The following LTF variants were observed in gnomAD, a reference collection of about 807,000 sequenced individuals.
LTF encodes the protein lactotransferrin.
Under a neutral mutation model 87.2 loss-of-function variants are expected in LTF, and 91 were observed. The ratio of observed to expected loss-of-function variants is 1.04; its 90% CI spans 0.88 to 1.24. The LOEUF (loss-of-function observed/expected upper bound fraction) is 1.24, where lower values mean the gene tolerates loss of function less well. Among genes scored for constraint, LTF ranks in the 50% most tolerant of loss-of-function variants. The pLI is 0.00. For missense variants in LTF, 901 were observed against 904.3 expected, an observed-to-expected ratio of 1.00 and a Z score of 0.05; for synonymous variants, 378 against 356.1, an observed-to-expected ratio of 1.06 and a Z score of -0.69.
chr3:46,479,708 G>T (rs1010742778), intron 1 of LTF, among the ~76,000 whole-genome samples: 1 of 152,138 alleles, frequency 6.6e-6, no homozygotes, highest in Non-Finnish European at 1.5e-5. Context: ...ATTTTTAGTA[G>T]AGACGGGGTT....
chr3:46,464,995 G>A, upstream of LTF: 1 of 894,128 alleles, frequency 1.1e-6, no homozygotes, highest in Non-Finnish European at 1.8e-6. Context: ...ACTCCCCGCG[G>A]CCAGGTCTAC....
rs1001094087 is a variant in LTF at position 46,455,168 on chromosome 3, G to T, written c.647+127C>A. The T allele has an allele frequency of 3.2e-5, 36 of 1,126,214 alleles. No individual in the cohort carries two copies. In the Middle Eastern group the frequency reaches 8.5e-4, roughly 27 times the overall value. The allele number at this position is 1,126,214 out of a possible 1,614,324, so 69.8% of individuals were successfully genotyped here. On this transcript the variant is annotated intron_variant, in intron 5 of 16. Transcript: ENST00000231751. ...CTGCACTCTCTTTGGACACACAGCA[G>T]TAGGAGAACAGACCTCCTCTCGTCC...
intron 7 of LTF, 123 bp downstream of exon 7, chr3:46,450,372 A>C: frequency 9.7e-7 from 1 of 1,031,734 alleles, no homozygotes; most frequent in Non-Finnish European, 1.5e-6. Flanking sequence ...AGCCCAATGC[A>C]TTAGTGTGCT....
chr3:46,478,215 T>C (rs1272082668), intron 1 of LTF, among the ~76,000 whole-genome samples: 1 of 152,176 alleles, frequency 6.6e-6, no homozygotes, highest in Admixed American at 6.5e-5. Context: ...CTGAGACTTT[T>C]CCTAATGGCC....
chr3:46,452,610 C>T (rs1224540762), intron 6 of LTF, among the ~76,000 whole-genome samples: 1 of 152,206 alleles, frequency 6.6e-6, no homozygotes, highest in Non-Finnish European at 1.5e-5. Flanking sequence ...CTGGCTCTCT[C>T]TCTTTCTCTC....
rs56170464 is a variant in LTF at position 46,479,508 on chromosome 3, CTGTTTGTTTGTTTGTT to C, written c.-320+5462_-320+5477del. 5.0e-3 allele frequency among the ~76,000 whole-genome samples: 752 copies of C among 150,644 alleles called. 2 individuals carry two copies. Among genetic ancestry groups the C allele is most frequent in the Non-Finnish European group, 5.9e-3 (396 of 67,660 alleles). On this transcript the variant is annotated intron_variant, in intron 1 of 19. Coordinates refer to the LTF transcript ENST00000443496. ...CTGGGAGAGAGATGAAGTGGCTTTT[CTGTTTGTTTGTTTGTT>C]TGTTTGTTTGTTTGTTTGTGACAGA...
chr3:46,448,789 T>C, intron 9 of LTF, 74 bp downstream of exon 9: 1 of 1,557,224 alleles, frequency 6.4e-7, no homozygotes, highest in Non-Finnish European at 8.7e-7. Flanking sequence ...ACTGTTGACT[T>C]CACTTTAAGC....
intron 16 of LTF, among the ~76,000 whole-genome samples, 155 bp from the exon 17 acceptor site, chr3:46,436,384 C>T (rs1189199913): frequency 6.6e-6 from 1 of 152,228 alleles, no homozygotes; most frequent in Non-Finnish European, 1.5e-5. Flanking sequence ...CACTCCCCTA[C>T]TCCTAGCGAC....
At chr3:46,447,447 TCCTG>T (rs1274366676) in intron 9 of LTF, 49 bp from the exon 10 acceptor site, 1 of 1,288,318 alleles carries the variant, frequency 7.8e-7, no homozygotes, top group Admixed American at 1.7e-5. Context: ...CTGCATCCCG[TCCTG>T]CCTGTCTATA....
At chr3:46,445,546 C>T (rs1054605497) in intron 11 of LTF, 110 bp from the exon 12 acceptor site, 9 of 876,490 alleles carry the variant, frequency 1.0e-5, no homozygotes, top group East Asian at 2.6e-5. Flanking sequence ...GAAGCAACAC[C>T]AGGCAATGAT....
chr3:46,466,057 A>AG (rs1009368263), upstream of LTF, among the ~76,000 whole-genome samples: 4 of 152,146 alleles, frequency 2.6e-5, no homozygotes, highest in Non-Finnish European at 5.9e-5. Context: ...TGGGCAACAT[A>AG]GGGAAACCCC....
Position 46,451,598 on chromosome 3 carries a change from T to A in LTF, c.704-925A>T, listed in dbSNP as rs145325820. Among the ~76,000 whole-genome samples the A allele has an allele frequency of 4.1e-3, 622 of 152,302 alleles. 5 individuals carry two copies. Among genetic ancestry groups the A allele is most frequent in the African/African-American group, 0.014 (599 of 41,554 alleles). On this transcript the variant is annotated intron_variant, in intron 6 of 16. Transcript: ENST00000231751. Reference sequence around the variant, plus strand: ...TAGTAATAGATAGAATCGGTAAAGTTTTTTTGTTTGTTTTGAGACGGAGTC... The same window carrying A: ...TAGTAATAGATAGAATCGGTAAAGTATTTTTGTTTGTTTTGAGACGGAGTC...
At chr3:46,484,358 C>T (rs1044958539) in intron 1 of LTF, among the ~76,000 whole-genome samples, 1 of 152,212 alleles carries the variant, frequency 6.6e-6, no homozygotes. Flanking sequence ...CTGCTCTGAA[C>T]ACTGCTTGAT....
chr3:46,450,092 T>C, intron 7 of LTF, 64 bp from the exon 8 acceptor site: 1 of 1,332,772 alleles, frequency 7.5e-7, no homozygotes, highest in South Asian at 1.4e-5. Context: ...AAAAATGATG[T>C]TAAAAAAGAG....
intron 1 of LTF, among the ~76,000 whole-genome samples, chr3:46,472,488 T>TGTG (rs1703304601): frequency 1.9e-5 from 2 of 106,890 alleles, no homozygotes; most frequent in African/African-American, 3.9e-5. Flanking sequence ...GAAAAGATTA[T>TGTG]TGTGTGTGTG....
chr3:46,455,657 C>G, intron 4 of LTF, 139 bp downstream of exon 4: 1 of 1,133,564 alleles, frequency 8.8e-7, no homozygotes, highest in Non-Finnish European at 1.3e-6. Context: ...ATCCTGCCAG[C>G]AGGATGTTAC....
Position 46,447,314 on chromosome 3 carries a change from T to C in LTF, c.1297A>G (p.Asn433Asp). ...GGATGCTAACTCCACTTACTGTAGT[T>C]CTCTGCCAGGACAGGCACCAAACCA... ...KCGLVPVLAENYKSQQSSDPD... is the reference protein window; with the variant it reads ...KCGLVPVLAEDYKSQQSSDPD... The change falls in exon 10 of 17, where the codon AAC becomes GAC. Residue 433 changes from asparagine (N) to aspartate (D), a missense_variant. By Grantham distance (23) the Asn-to-Asp change is conservative. Transcript: ENST00000231751. 1 of 1,613,836 alleles carries C rather than the reference T, an allele frequency of 6.2e-7. No homozygotes were observed. Among genetic ancestry groups the C allele is most frequent in the Non-Finnish European group, 8.5e-7 (1 of 1,179,728 alleles).
intron 6 of LTF, among the ~76,000 whole-genome samples, chr3:46,453,314 T>A (rs1469622230): frequency 6.6e-6 from 1 of 152,176 alleles, no homozygotes. Flanking sequence ...AGTATGAAAG[T>A]CAAAAATACT....
intron 1 of LTF, among the ~76,000 whole-genome samples, chr3:46,471,824 G>A (rs965168386): frequency 2.1e-4 from 32 of 152,194 alleles, no homozygotes; most frequent in Non-Finnish European, 3.8e-4. Context: ...CAGCTTCTAA[G>A]GGTAAGCAGC....
Sources: allele counts gnomAD v4.1 joint callset (sites outside exome capture counted in the v4.1 genomes callset), GRCh38; gene constraint gnomAD v4.1.1; transcripts MANE v1.5; gene names NCBI Gene and HGNC (gene_info 2026-07-23, HGNC 2026-07-21).